MYZAP: variants seen among roughly 807,000 people sequenced by gnomAD.
MYZAP encodes the protein myocardial zonula adherens protein.
In MYZAP, 66 loss-of-function variants were observed where a neutral mutation model predicts 69.4. The ratio of observed to expected loss-of-function variants is 0.95; its 90% CI spans 0.78 to 1.17. MYZAP has a LOEUF of 1.17. MYZAP is among the 50% of genes most tolerant of loss of function. The pLI, the probability that MYZAP is intolerant of heterozygous loss-of-function variation, is 0.00. For missense variants in MYZAP, 611 were observed against 556.2 expected, an observed-to-expected ratio of 1.10 and a Z score of -0.99; for synonymous variants, 256 against 205.9, an observed-to-expected ratio of 1.24 and a Z score of -2.09.
At chr15:57,610,997 A>G (rs1315643940) in intron 2 of MYZAP, among the ~76,000 whole-genome samples, 1 of 152,212 alleles carries the variant, frequency 6.6e-6, no homozygotes, top group Non-Finnish European at 1.5e-5. Context: ...GTGGACGGAC[A>G]GACAGACTCA....
rs2033689268 is a variant in MYZAP, at chr15:57,591,957, G to A, written c.-78G>A. ...GCCGGCGCCGTCCCGCGTCGCCCCC[G>A]CGCAGGGCGGGCCCCGCACGCTTAT... On this transcript the variant is annotated 5_prime_UTR_variant, in exon 1 of 13. Transcript: ENST00000267853. The A allele has an allele frequency of 6.5e-6, 8 of 1,223,824 alleles. No individual in the cohort carries two copies. In the South Asian group the frequency reaches 1.7e-4, roughly 27 times the overall value. The allele number at this position is 1,223,824 out of a possible 1,614,324, so 75.8% of individuals were successfully genotyped here.
At chr15:57,592,227 T>G in intron 1 of MYZAP, 118 bp downstream of exon 1, 2 of 919,286 alleles carry the variant, frequency 2.2e-6, no homozygotes, top group Non-Finnish European at 1.4e-6. Context: ...CGCCCCACCC[T>G]GGGCTCAACT....
chr15:57,599,618 G>T (rs1297980120), intron 1 of MYZAP: 1 of 1,289,048 alleles, frequency 7.8e-7, no homozygotes, highest in African/African-American at 1.5e-5. Flanking sequence ...CTGCCTTTCA[G>T]GCACTGCCAA....
At position 57,634,227 on chromosome 15, in the gene MYZAP, G is replaced by A. The variant is rs149408070; in HGVS notation, c.933+486G>A. 7.8e-3 allele frequency among the ~76,000 whole-genome samples: 1,187 copies of A among 152,206 alleles called. 19 individuals carry two copies. The highest frequency in any genetic ancestry group is 0.027 in the African/African-American group (1,122 of 41,502). The stretch of plus-strand genomic sequence containing the variant: ...CTGAGGAAGGCGGGAGCTCAGCTGG[G>A]ATAATGAAGCCTGTCTAGTGAAAGG... On this transcript the variant is annotated intron_variant, in intron 8 of 12. Coordinates refer to ENST00000267853, the MANE Select transcript of MYZAP (RefSeq NM_001018100.5).
intron 10 of MYZAP, among the ~76,000 whole-genome samples, chr15:57,658,587 C>T (rs553442157): frequency 1.1e-4 from 17 of 152,238 alleles, no homozygotes; most frequent in Non-Finnish European, 2.5e-4. Flanking sequence ...ATTCTGGATT[C>T]GACTTTTTGT....
chr15:57,682,695 C>T (rs1175047886), intron 12 of MYZAP, among the ~76,000 whole-genome samples: 1 of 152,166 alleles, frequency 6.6e-6, no homozygotes, highest in African/African-American at 2.4e-5. Context: ...GGACCCTTCT[C>T]CACCAGGCCT....
At chr15:57,648,074 A>G (rs1228211218) in intron 10 of MYZAP, 5 of 982,556 alleles carry the variant, frequency 5.1e-6, no homozygotes, top group African/African-American at 3.5e-5. Context: ...TGTGAATGAC[A>G]ATGTTATAGT....
chr15:57,625,890 C>T lies in MYZAP; in HGVS notation c.523C>T (p.Gln175Ter). ...SALASDSIGL[Q>*]KTLVDVTLEN... ...CTTGGCATCAGATTCCATTGGCCTGCAGGTACTCATCTGCTTACTGCTATG... is the reference window on the plus strand; with the variant it reads ...CTTGGCATCAGATTCCATTGGCCTGTAGGTACTCATCTGCTTACTGCTATG... The change falls in exon 5 of 13, where the codon CAG (glutamine) becomes TAG (stop). Residue 175 changes from glutamine to a stop codon, truncating the protein, a stop_gained and splice_region_variant. Transcript: ENST00000267853. LOFTEE classifies it high-confidence loss of function. 1 of 1,613,936 alleles carries T rather than the reference C, an allele frequency of 6.2e-7. No homozygotes were observed. The highest frequency in any genetic ancestry group is 2.2e-5 in the East Asian group (1 of 44,872).
intron 1 of MYZAP, among the ~76,000 whole-genome samples, chr15:57,596,337 C>T (rs568251353): frequency 5.9e-5 from 9 of 152,282 alleles, no homozygotes; most frequent in African/African-American, 2.2e-4. Context: ...GTCAATTAGC[C>T]TCAAATGTTC....
At chr15:57,634,848 G>C (rs965825461) in intron 8 of MYZAP, among the ~76,000 whole-genome samples, 5 of 152,214 alleles carry the variant, frequency 3.3e-5, no homozygotes, top group African/African-American at 1.2e-4. Context: ...GATTGGCTTA[G>C]TCAGGACTAA....
At chr15:57,637,132 C>G (rs1368119310) in intron 8 of MYZAP, among the ~76,000 whole-genome samples, 3 of 152,212 alleles carry the variant, frequency 2.0e-5, no homozygotes, top group African/African-American at 4.8e-5. Flanking sequence ...AACCCAGGAT[C>G]TCCCCATTTT....
intron 1 of MYZAP, among the ~76,000 whole-genome samples, chr15:57,597,381 C>T (rs1014869732): frequency 4.6e-5 from 7 of 152,162 alleles, no homozygotes; most frequent in Admixed American, 6.5e-5. Flanking sequence ...GCTTCCCAGG[C>T]GATTCTAATG....
Position 57,591,941 on chromosome 15 carries a change from G to T in MYZAP, c.-94G>T, listed in dbSNP as rs1176237153. ...GCTGAGGCTGCAAGTAGCCGGCGCC[G>T]TCCCGCGTCGCCCCCGCGCAGGGCG... On this transcript the variant is annotated 5_prime_UTR_variant, in exon 1 of 13. Transcript: ENST00000267853. 2 of 1,167,994 alleles carry T rather than the reference G, an allele frequency of 1.7e-6. No homozygotes were observed. Among genetic ancestry groups the T allele is most frequent in the South Asian group, 3.4e-5 (1 of 29,502 alleles). 72.4% of individuals were successfully genotyped at this position (1,167,994 alleles called of 1,614,324 possible). A position where few individuals can be genotyped will look rare whatever the true frequency, so the allele number is the denominator to read the frequency against.
chr15:57,624,206 C>T (rs1385637289), intron 4 of MYZAP, among the ~76,000 whole-genome samples: 2 of 152,134 alleles, frequency 1.3e-5, no homozygotes, highest in African/African-American at 4.8e-5. Flanking sequence ...TATTAATATT[C>T]CCAAAGATAA....
intron 11 of MYZAP, among the ~76,000 whole-genome samples, chr15:57,673,136 GCA>G (rs1444952647): frequency 6.6e-6 from 1 of 152,062 alleles, no homozygotes; most frequent in African/African-American, 2.4e-5. Flanking sequence ...TGTCTGTTGT[GCA>G]CACACAGAGT....
At chr15:57,610,218 A>G (rs1332405611) in intron 2 of MYZAP, among the ~76,000 whole-genome samples, 2 of 152,254 alleles carry the variant, frequency 1.3e-5, no homozygotes, top group African/African-American at 2.4e-5. Flanking sequence ...TGAGTGAGAG[A>G]GAGAGCAGAT....
chr15:57,646,145 G>T lies in MYZAP; in HGVS notation c.1119+6600G>T, dbSNP rs940566916. On this transcript the variant is annotated intron_variant, in intron 10 of 12. Coordinates refer to ENST00000267853, the MANE Select transcript of MYZAP (RefSeq NM_001018100.5). ...AATTGAACTGTCTCCAGATCATGTC[G>T]CACGAGCTCTTCTCCAGATTTAGTC... The T allele has an allele frequency of 4.7e-6, 6 of 1,289,244 alleles. No homozygotes were observed. The South Asian group carries it at 6.2e-5, about 13-fold the overall frequency. The allele number at this position is 1,289,244 out of a possible 1,614,324, so 79.9% of individuals were successfully genotyped here.
At chr15:57,645,732 A>T (rs1350603102) in intron 10 of MYZAP, among the ~76,000 whole-genome samples, 3 of 152,228 alleles carry the variant, frequency 2.0e-5, no homozygotes, top group Non-Finnish European at 4.4e-5. Context: ...TGAGCAATGC[A>T]CGGGGCTGCC....
intron 1 of MYZAP, among the ~76,000 whole-genome samples, chr15:57,600,401 A>G (rs1037742728): frequency 6.6e-6 from 1 of 152,204 alleles, no homozygotes; most frequent in African/African-American, 2.4e-5. Flanking sequence ...TTATTTTACA[A>G]GTTCATTTTA....
Sources: allele counts gnomAD v4.1 joint callset (sites outside exome capture counted in the v4.1 genomes callset), GRCh38; gene constraint gnomAD v4.1.1; transcripts MANE v1.5; gene names NCBI Gene and HGNC (gene_info 2026-07-23, HGNC 2026-07-21).